Variants in ZNF75D observed in about 807,000 individuals in gnomAD.
ZNF75D encodes the protein zinc finger protein 75.
Under a neutral mutation model 33.3 loss-of-function variants are expected in ZNF75D, and 33 were observed. That is an observed-to-expected ratio of 0.99 (90% CI 0.75 to 1.32). The LOEUF (loss-of-function observed/expected upper bound fraction) is 1.32. Ranked by LOEUF, ZNF75D falls within the 40% of genes most tolerant of loss-of-function variation. ZNF75D has a pLI of 0.00. For missense variants in ZNF75D, 338 were observed against 367.5 expected (o/e 0.92, Z 0.66); for synonymous variants, 113 against 130.6 (o/e 0.87, Z 0.92).
rs1556419352 is a variant in ZNF75D at position 135,286,212 on chromosome X, T to G, written c.*925A>C. The G allele has an allele frequency of 8.9e-6, 1 of 111,984 alleles. No individual in the cohort carries two copies. The highest frequency in any genetic ancestry group is 1.9e-5 in the Non-Finnish European group (1 of 53,189). 9.2% of individuals were successfully genotyped at this position (111,984 alleles called of 1,213,427 possible). Reference sequence around the variant, plus strand: ...GTTTTGCAAAATCTCCAGGCCTTCTTGCAGAGTATTCAGGCATATAGGGTT... The same window carrying G: ...GTTTTGCAAAATCTCCAGGCCTTCTGGCAGAGTATTCAGGCATATAGGGTT... On this transcript the variant is annotated 3_prime_UTR_variant, in exon 7 of 7. Transcript: ENST00000370766.
At chrX:135,299,461 C>T (rs781864070) in intron 1 of ZNF75D, among the ~76,000 whole-genome samples, 1 of 111,776 alleles carries the variant, frequency 8.9e-6, no homozygotes, top group African/African-American at 3.2e-5. Flanking sequence ...AGATCCTTTG[C>T]TCATTTTTAA....
intron 1 of ZNF75D, among the ~76,000 whole-genome samples, chrX:135,328,930 C>T (rs2084616806): frequency 8.9e-6 from 1 of 112,352 alleles, no homozygotes; most frequent in South Asian, 3.7e-4. Flanking sequence ...CTTAGTGTTG[C>T]CTGTCCATGT....
chrX:135,311,069 A>G (rs1163664055), intron 1 of ZNF75D, among the ~76,000 whole-genome samples: 1 of 112,386 alleles, frequency 8.9e-6, no homozygotes, highest in Non-Finnish European at 1.9e-5. Flanking sequence ...ACCAGGGGAT[A>G]TGCAGCTGAT....
chrX:135,302,837 GA>G (rs1170317934), intron 1 of ZNF75D, among the ~76,000 whole-genome samples: 1 of 110,140 alleles, frequency 9.1e-6, no homozygotes, highest in East Asian at 2.9e-4. Context: ...TATAGAGAAA[GA>G]AAAAAGGGGC....
chrX:135,262,658 C>G (rs2083847274), intron 1 of ZNF75D, among the ~76,000 whole-genome samples: 1 of 112,058 alleles, frequency 8.9e-6, no homozygotes, highest in Admixed American at 9.4e-5. Flanking sequence ...CATTTAAGGT[C>G]TTCTCTACAC....
chrX:135,318,852 C>T (rs2084459608), intron 1 of ZNF75D, among the ~76,000 whole-genome samples: 1 of 111,619 alleles, frequency 9.0e-6, no homozygotes, highest in African/African-American at 3.3e-5. Context: ...AGACAAAATA[C>T]TAGAAAAAGT....
At chrX:135,279,325 A>C (rs970956439) in intron 1 of ZNF75D, among the ~76,000 whole-genome samples, 15 of 111,752 alleles carry the variant, frequency 1.3e-4, no homozygotes, top group African/African-American at 4.9e-4. Context: ...CTGTGGGATC[A>C]GTGGTGATAT....
At chrX:135,283,570 C>T (rs782532442), downstream of ZNF75D, among the ~76,000 whole-genome samples, 1 of 111,699 alleles carries the variant, frequency 9.0e-6, no homozygotes, top group Admixed American at 9.5e-5. Flanking sequence ...TTCTTCTCTC[C>T]CCAACTCTGC....
chrX:135,322,516 G>A (rs188576487), intron 1 of ZNF75D, among the ~76,000 whole-genome samples: 12 of 112,196 alleles, frequency 1.1e-4, no homozygotes, highest in Non-Finnish European at 1.9e-4. Context: ...CTCTCCAAAT[G>A]TATTTATAGA....
chrX:135,331,589 A>G (rs2084652150), intron 1 of ZNF75D, among the ~76,000 whole-genome samples: 1 of 110,994 alleles, frequency 9.0e-6, no homozygotes, highest in African/African-American at 3.3e-5. Flanking sequence ...CATAAGGTCA[A>G]CCATTAAAGC....
chrX:135,284,283 G>C (rs1342364157), downstream of ZNF75D, among the ~76,000 whole-genome samples: 1 of 112,355 alleles, frequency 8.9e-6, no homozygotes, highest in Non-Finnish European at 1.9e-5. Context: ...GTGGTGGGCA[G>C]TTATGCAATA....
chrX:135,325,863 C>G (rs892434588), intron 1 of ZNF75D, among the ~76,000 whole-genome samples: 6 of 112,882 alleles, frequency 5.3e-5, no homozygotes, highest in Non-Finnish European at 7.5e-5. Flanking sequence ...GACTGGCAGG[C>G]AGCTCCACCT....
chrX:135,275,124 TTAAGA>T (rs1487917433), intron 1 of ZNF75D, among the ~76,000 whole-genome samples: 6 of 112,687 alleles, frequency 5.3e-5, no homozygotes, highest in Admixed American at 2.8e-4. Flanking sequence ...GTAGAAAAAG[TTAAGA>T]TAATAAAATA....
chrX:135,302,695 A>G (rs1461251608), intron 1 of ZNF75D, among the ~76,000 whole-genome samples: 1 of 111,778 alleles, frequency 8.9e-6, no homozygotes, highest in Non-Finnish European at 1.9e-5. Flanking sequence ...ATAATGTGAT[A>G]GTGTGGTGCA....
chrX:135,317,842 G>T (rs1230596155), intron 1 of ZNF75D, among the ~76,000 whole-genome samples: 1 of 110,854 alleles, frequency 9.0e-6, no homozygotes, highest in African/African-American at 3.3e-5. Context: ...ATATGTACAG[G>T]TGCTGCCTAT....
chrX:135,334,222 G>A (rs1263981304), intron 1 of ZNF75D, among the ~76,000 whole-genome samples: 3 of 111,344 alleles, frequency 2.7e-5, no homozygotes, highest in Non-Finnish European at 5.7e-5. Flanking sequence ...TAGTGGGAGG[G>A]GTCACTTTCT....
At chrX:135,321,426 G>C in intron 1 of ZNF75D, among the ~76,000 whole-genome samples, 1 of 112,290 alleles carries the variant, frequency 8.9e-6, no homozygotes, top group Admixed American at 9.4e-5. Context: ...AAACATTGTT[G>C]ATGTAGGAAG....
intron 1 of ZNF75D, among the ~76,000 whole-genome samples, chrX:135,340,870 C>A (rs2084775629): frequency 8.9e-6 from 1 of 112,024 alleles, no homozygotes; most frequent in East Asian, 2.8e-4. Flanking sequence ...AAACTACTGC[C>A]ACTGAACCGG....
At chrX:135,279,981 T>C (rs2083914209) in intron 1 of ZNF75D, among the ~76,000 whole-genome samples, 1 of 111,741 alleles carries the variant, frequency 8.9e-6, no homozygotes, top group Admixed American at 9.5e-5. Flanking sequence ...TGGAGAGTTC[T>C]GTAGATGTCT....
Sources: allele counts gnomAD v4.1 joint callset (sites outside exome capture counted in the v4.1 genomes callset), GRCh38; gene constraint gnomAD v4.1.1; transcripts MANE v1.5; gene names NCBI Gene and HGNC (gene_info 2026-07-23, HGNC 2026-07-21).